Variants in GALNT9 observed in about 807,000 individuals in gnomAD.
GALNT9 encodes the protein polypeptide N-acetylgalactosaminyltransferase 9.
GALNT9 carries 47 observed loss-of-function variants against 63.1 expected under a neutral mutation model. The observed-to-expected ratio is 0.75, with a 90% CI of 0.59 to 0.95. The LOEUF (loss-of-function observed/expected upper bound fraction) is 0.95. GALNT9 is among the 40% of genes least tolerant of loss of function. The probability of loss-of-function intolerance (pLI) is 0.00; values close to 1 mark genes in which losing one functional copy is unlikely to be tolerated. For synonymous variants in GALNT9, 396 were observed against 365.7 expected, an observed-to-expected ratio of 1.08 and a Z score of -0.94; for missense variants, 829 against 874.8, an observed-to-expected ratio of 0.95 and a Z score of 0.66.
intron 2 of GALNT9, among the ~76,000 whole-genome samples, chr12:132,267,171 C>T (rs57754424): frequency 0.12 from 17,717 of 151,856 alleles, 3,408 homozygotes; most frequent in African/African-American, 0.4. Flanking sequence ...CTTGAGCAGC[C>T]GAGAGGAGGG....
intron 1 of GALNT9, among the ~76,000 whole-genome samples, chr12:132,302,550 C>G (rs533092179): frequency 3.3e-5 from 5 of 152,342 alleles, no homozygotes; most frequent in Admixed American, 3.3e-4. Context: ...CTGCTAAATT[C>G]CAAGAGCTGC....
intron 6 of GALNT9, among the ~76,000 whole-genome samples, chr12:132,239,803 CAGAGAT>C (rs1332726111): frequency 6.6e-6 from 1 of 151,534 alleles, no homozygotes; most frequent in Non-Finnish European, 1.5e-5. Flanking sequence ...GATGCAGAGA[CAGAGAT>C]AAAGAGACAC....
intron 1 of GALNT9, among the ~76,000 whole-genome samples, chr12:132,298,527 C>G (rs1011357796): frequency 6.6e-6 from 1 of 151,814 alleles, no homozygotes; most frequent in African/African-American, 2.4e-5. Flanking sequence ...CCACTCCCAC[C>G]ACACCTAACT....
chr12:132,287,843 G>T (rs1880664674), intron 1 of GALNT9, among the ~76,000 whole-genome samples: 1 of 152,102 alleles, frequency 6.6e-6, no homozygotes, highest in South Asian at 2.1e-4. Flanking sequence ...ACGGGAGTGA[G>T]AGGGGTGTCT....
chr12:132,213,478 A>AT (rs1454396392), intron 6 of GALNT9, among the ~76,000 whole-genome samples: 51 of 86,650 alleles, frequency 5.9e-4, no homozygotes, highest in African/African-American at 1.9e-3. Flanking sequence ...GCACACTCAC[A>AT]CCCACACACA....
intron 4 of GALNT9, among the ~76,000 whole-genome samples, chr12:132,259,980 G>A (rs184462289): frequency 4.2e-5 from 6 of 144,506 alleles, no homozygotes; most frequent in Middle Eastern, 3.5e-3. Flanking sequence ...TTGTGGGCGC[G>A]GGGCCTGCCT....
intron 2 of GALNT9, among the ~76,000 whole-genome samples, chr12:132,270,270 A>G (rs1446728258): frequency 6.6e-6 from 1 of 152,230 alleles, no homozygotes; most frequent in African/African-American, 2.4e-5. Flanking sequence ...GTTGTCACAG[A>G]GGCCCCGTGT....
intron 1 of GALNT9, among the ~76,000 whole-genome samples, chr12:132,304,409 ACACGCCCTCACCCGGG>A (rs1555244295): frequency 1.2e-4 from 11 of 95,182 alleles, no homozygotes; most frequent in South Asian, 3.9e-4. Context: ...CCTCACCCAG[ACACGCCCTCACCCGGG>A]CACAGCCTCG....
rs115573610 is a variant in GALNT9 at position 132,264,862 on chromosome 12, G to T, written c.420-2237C>A. Among the ~76,000 whole-genome samples, 750 of 152,302 alleles carry T rather than the reference G, an allele frequency of 4.9e-3. 6 individuals are homozygous for T. The highest frequency in any genetic ancestry group is 0.017 in the African/African-American group (698 of 41,550). On this transcript the variant is annotated intron_variant, in intron 2 of 10. Transcript: ENST00000328957. The stretch of plus-strand genomic sequence containing the variant: ...CGTCAGCAGATGTTCCTGACAGGGA[G>T]CAGCGCCAGGGTCCGATCCAGGTTC...
chr12:132,291,115 T>A (rs1374802286), intron 1 of GALNT9, among the ~76,000 whole-genome samples: 4 of 44,256 alleles, frequency 9.0e-5, no homozygotes, highest in East Asian at 1.1e-3. Flanking sequence ...AGCACCCACA[T>A]CCACAGCACC....
chr12:132,289,266 G>A (rs549182961), intron 1 of GALNT9, among the ~76,000 whole-genome samples: 12 of 152,122 alleles, frequency 7.9e-5, no homozygotes, highest in African/African-American at 9.7e-5. Flanking sequence ...TTCATTCTCC[G>A]TTTTCATTCT....
chr12:132,257,598 C>T, intron 5 of GALNT9, 91 bp downstream of exon 5: 3 of 1,000,452 alleles, frequency 3.0e-6, no homozygotes, highest in Non-Finnish European at 2.9e-6. Context: ...GTCCCCGGCC[C>T]TCATCCCTGG....
chr12:132,267,980 T>C (rs1401609883), intron 2 of GALNT9, among the ~76,000 whole-genome samples: 1 of 127,230 alleles, frequency 7.9e-6, no homozygotes, highest in Non-Finnish European at 1.7e-5. Flanking sequence ...CAAACCCACA[T>C]GAACTCACAC....
At chr12:132,235,410 G>A (rs1877966555) in intron 6 of GALNT9, among the ~76,000 whole-genome samples, 1 of 152,182 alleles carries the variant, frequency 6.6e-6, no homozygotes, top group South Asian at 2.1e-4. Flanking sequence ...TAGAGGAGAG[G>A]TGGACAGGAG....
intron 1 of GALNT9, among the ~76,000 whole-genome samples, chr12:132,305,150 C>A (rs372995855): frequency 1.8e-5 from 1 of 57,070 alleles, no homozygotes; most frequent in East Asian, 1.2e-3. Flanking sequence ...CCCGGGCACA[C>A]CCTCGCCTGG....
intron 1 of GALNT9, among the ~76,000 whole-genome samples, chr12:132,321,339 G>A (rs1034492343): frequency 3.3e-5 from 5 of 152,270 alleles, no homozygotes; most frequent in African/African-American, 4.8e-5. Flanking sequence ...TGAGTCGCCC[G>A]TCTCATCTGG....
intron 4 of GALNT9, 122 bp from the exon 5 acceptor site, chr12:132,258,008 C>T (rs1036941614): frequency 2.9e-6 from 2 of 688,988 alleles, no homozygotes; most frequent in Non-Finnish European, 2.4e-6. Flanking sequence ...CCTGCCACCC[C>T]CTGCTGAGCT....
chr12:132,325,517 G>A (rs566258249), intron 1 of GALNT9, among the ~76,000 whole-genome samples: 9 of 152,316 alleles, frequency 5.9e-5, no homozygotes, highest in South Asian at 2.1e-4. Flanking sequence ...TGCAATGAGC[G>A]TGCACCACAC....
At chr12:132,258,880 C>T (rs941026165) in intron 4 of GALNT9, among the ~76,000 whole-genome samples, 1 of 152,206 alleles carries the variant, frequency 6.6e-6, no homozygotes, top group African/African-American at 2.4e-5. Context: ...CCAAAGCCAC[C>T]CAGCCACTGG....
Sources: allele counts gnomAD v4.1 joint callset (sites outside exome capture counted in the v4.1 genomes callset), GRCh38; gene constraint gnomAD v4.1.1; transcripts MANE v1.5; gene names NCBI Gene and HGNC (gene_info 2026-07-23, HGNC 2026-07-21).